The following CHURC1 variants were observed in gnomAD, a reference collection of about 807,000 sequenced individuals.
CHURC1 encodes the protein churchill domain containing 1.
CHURC1 carries 12 observed loss-of-function variants against 15.4 expected under a neutral mutation model. The ratio of observed to expected loss-of-function variants is 0.78; its 90% CI spans 0.50 to 1.27. The LOEUF is 1.27. CHURC1 is among the 50% of genes most tolerant of loss of function. The pLI, the probability that CHURC1 is intolerant of heterozygous loss-of-function variation, is 0.00. For missense variants in CHURC1, 132 were observed against 137.8 expected (o/e 0.96, Z 0.21); for synonymous variants, 42 against 47.5 (o/e 0.88, Z 0.48).
chr14:64,930,163 A>G (rs1231102421), intron 3 of CHURC1, among the ~76,000 whole-genome samples: 2 of 151,524 alleles, frequency 1.3e-5, no homozygotes, highest in African/African-American at 4.8e-5. Context: ...AATTCCGCCC[A>G]CTCTGCTCTT....
chr14:64,919,748 G>T (rs765040809), intron 1 of CHURC1, among the ~76,000 whole-genome samples: 14 of 152,000 alleles, frequency 9.2e-5, no homozygotes, highest in Non-Finnish European at 1.9e-4. Flanking sequence ...GCCTGGCATG[G>T]TTTTGTGTGC....
chr14:64,914,458 G>A lies in CHURC1; in HGVS notation c.-38G>A. ...AGTTCTCGCGAGGTTTCGTCTTCCC[G>A]GAAGCGTTGGAGGACATTCCCTGTT... On this transcript the variant is annotated 5_prime_UTR_variant, in exon 1 of 4. Transcript: ENST00000549115. 2 of 1,614,258 alleles carry A rather than the reference G, an allele frequency of 1.2e-6. No homozygotes were observed. The highest frequency in any genetic ancestry group is 8.5e-7 in the Non-Finnish European group (1 of 1,180,042).
chr14:64,920,105 G>A (rs953043931), intron 1 of CHURC1, among the ~76,000 whole-genome samples: 2 of 152,032 alleles, frequency 1.3e-5, no homozygotes, highest in Non-Finnish European at 2.9e-5. Flanking sequence ...TGTATCATCT[G>A]AAATAATTTG....
chr14:64,914,965 T>A (rs1883763749), intron 1 of CHURC1, among the ~76,000 whole-genome samples: 2 of 152,198 alleles, frequency 1.3e-5, no homozygotes, highest in Non-Finnish European at 2.9e-5. Context: ...AGAGGGGAAA[T>A]CACTTGCCCA....
At chr14:64,922,029 C>G (rs181278126) in intron 1 of CHURC1, among the ~76,000 whole-genome samples, 2 of 152,266 alleles carry the variant, frequency 1.3e-5, no homozygotes, top group East Asian at 3.9e-4. Flanking sequence ...TATACTGATT[C>G]TGTTTATATA....
At chr14:64,922,282 A>T (rs1026812531) in intron 1 of CHURC1, among the ~76,000 whole-genome samples, 56 of 149,954 alleles carry the variant, frequency 3.7e-4, no homozygotes, top group Non-Finnish European at 6.5e-4. Flanking sequence ...AGATTTTATT[A>T]AAAAAAAAAT....
intron 1 of CHURC1, among the ~76,000 whole-genome samples, chr14:64,917,208 G>A (rs976535391): frequency 5.9e-5 from 9 of 152,044 alleles, no homozygotes; most frequent in Non-Finnish European, 2.9e-5. Flanking sequence ...AAGGCAGGTG[G>A]ATCACTTGAG....
Position 64,933,781 on chromosome 14 carries a change from A to G in CHURC1, c.*1551A>G. 1 of 985,458 alleles carries G rather than the reference A, an allele frequency of 1.0e-6. No individual in the cohort carries two copies. The highest frequency in any genetic ancestry group is 1.2e-6 in the Non-Finnish European group (1 of 829,926). The allele number at this position is 985,458 out of a possible 1,614,324, so 61.0% of individuals were successfully genotyped here. A position where few individuals can be genotyped will look rare whatever the true frequency, so the allele number is the denominator to read the frequency against. On this transcript the variant is annotated 3_prime_UTR_variant, in exon 4 of 4. Transcript: ENST00000549115. ...TCTTATAAGAACAAGAAATGAGCAA[A>G]GTGTTCATTGTAGATACTAGGGAAA...
chr14:64,916,079 T>C (rs1883862621), intron 1 of CHURC1, among the ~76,000 whole-genome samples: 1 of 152,122 alleles, frequency 6.6e-6, no homozygotes. Flanking sequence ...CCAATGTCAA[T>C]AGTGTGGAGG....
At chr14:64,922,554 G>A (rs1884379304) in intron 1 of CHURC1, among the ~76,000 whole-genome samples, 1 of 145,118 alleles carries the variant, frequency 6.9e-6, no homozygotes, top group Admixed American at 6.9e-5. Context: ...CTTCAGCCTG[G>A]GTGACAGAGC....
At chr14:64,921,568 C>T (rs535302753) in intron 1 of CHURC1, among the ~76,000 whole-genome samples, 30 of 152,278 alleles carry the variant, frequency 2.0e-4, no homozygotes, top group Non-Finnish European at 3.4e-4. Context: ...AGATGCTCAA[C>T]ATCATTAGTC....
Position 64,934,796 on chromosome 14 carries a change from A to T in CHURC1, c.*2566A>T. 1.0e-6 allele frequency: 1 copy of T among 985,400 alleles called. No individual in the cohort carries two copies. The highest frequency in any genetic ancestry group is 1.2e-6 in the Non-Finnish European group (1 of 829,912). The allele number at this position is 985,400 out of a possible 1,614,324, so 61.0% of individuals were successfully genotyped here. On this transcript the variant is annotated 3_prime_UTR_variant, in exon 4 of 4. Coordinates refer to ENST00000549115, the MANE Select transcript of CHURC1 (RefSeq NM_001386928.1). ...ATTTGAAGCCCAAGAGTCTAATTTT[A>T]TATGCCCTGCCAATGTCCTCATCTA... is the stretch of plus-strand genomic sequence containing the variant.
At position 64,932,173 on chromosome 14, in the gene CHURC1, C is replaced by A. The variant is rs778953181; in HGVS notation, c.282C>A (p.Ala94=). 9 of 1,613,904 alleles carry A rather than the reference C, an allele frequency of 5.6e-6. No individual in the cohort carries two copies. The highest frequency in any genetic ancestry group is 1.1e-5 in the South Asian group (1 of 91,054). ...YTMLCLLCGK[A]EDTISILPDD... ...TGCTGTGTCTGTTATGCGGCAAAGC[C>A]GAAGATACTATCAGTATTCTCCCTG... is the stretch of plus-strand genomic sequence containing the variant. The change falls in exon 4 of 4, where the codon GCC becomes GCA. Residue 94 remains alanine, a synonymous_variant. Transcript: ENST00000549115.
intron 1 of CHURC1, 105 bp from the exon 2 acceptor site, chr14:64,923,886 C>A: frequency 8.6e-7 from 1 of 1,165,770 alleles, no homozygotes; most frequent in Non-Finnish European, 1.1e-6. Context: ...AAATGCTGGC[C>A]ATTTTTTAGT....
chr14:64,927,640 G>A (rs537117619), intron 3 of CHURC1, among the ~76,000 whole-genome samples: 48 of 151,168 alleles, frequency 3.2e-4, no homozygotes, highest in Non-Finnish European at 6.0e-4. Flanking sequence ...TTGTAGTCAC[G>A]ATGCAAGAAA....
intron 3 of CHURC1, among the ~76,000 whole-genome samples, chr14:64,929,292 A>G (rs1884938673): frequency 6.6e-6 from 1 of 152,122 alleles, no homozygotes; most frequent in South Asian, 2.1e-4. Flanking sequence ...TCTACCTTCA[A>G]GCCAACTAAA....
At chr14:64,918,438 G>C (rs1374612157) in intron 1 of CHURC1, among the ~76,000 whole-genome samples, 1 of 152,136 alleles carries the variant, frequency 6.6e-6, no homozygotes, top group African/African-American at 2.4e-5. Flanking sequence ...CCAACTCTGG[G>C]GTTCTTTGAA....
Position 64,932,383 on chromosome 14 carries a change from G to A in CHURC1, c.*153G>A. Reference sequence around the variant, plus strand: ...TCTTTGAGGAAAAAAGGTAATGTAGGAGCTCATTGTTCTCTAGAGCTGAGC... The same window carrying A: ...TCTTTGAGGAAAAAAGGTAATGTAGAAGCTCATTGTTCTCTAGAGCTGAGC... On this transcript the variant is annotated 3_prime_UTR_variant, in exon 4 of 4. Coordinates refer to ENST00000549115, the MANE Select transcript of CHURC1 (RefSeq NM_001386928.1). The A allele has an allele frequency of 7.1e-7, 1 of 1,410,910 alleles. No homozygotes were observed. The highest frequency in any genetic ancestry group is 9.3e-7 in the Non-Finnish European group (1 of 1,080,914). 87.4% of individuals were successfully genotyped at this position (1,410,910 alleles called of 1,614,324 possible).
At position 64,934,409 on chromosome 14, in the gene CHURC1, C is replaced by A; in HGVS notation, c.*2179C>A. The A allele has an allele frequency of 1.0e-6, 1 of 982,636 alleles. No individual in the cohort carries two copies. The highest frequency in any genetic ancestry group is 1.2e-6 in the Non-Finnish European group (1 of 827,390). The allele number at this position is 982,636 out of a possible 1,614,324, so 60.9% of individuals were successfully genotyped here. A position where few individuals can be genotyped will look rare whatever the true frequency, so the allele number is the denominator to read the frequency against. On this transcript the variant is annotated 3_prime_UTR_variant, in exon 4 of 4. Transcript: ENST00000549115. ...AAGTTAAATAACTTGTTTAAGATCA[C>A]ACAGCTAGTGCAGTTACCCCCTCTC... is the stretch of plus-strand genomic sequence containing the variant.
Sources: allele counts gnomAD v4.1 joint callset (sites outside exome capture counted in the v4.1 genomes callset), GRCh38; gene constraint gnomAD v4.1.1; transcripts MANE v1.5; gene names NCBI Gene and HGNC (gene_info 2026-07-23, HGNC 2026-07-21).